The following PRRC2C variants were observed in gnomAD, a reference collection of about 807,000 sequenced individuals.
The protein encoded by PRRC2C is proline rich coiled-coil 2C, also known as protein PRRC2C.
A neutral mutation model predicts 317.2 loss-of-function variants in PRRC2C; 72 were observed. The ratio of observed to expected loss-of-function variants is 0.23; its 90% CI spans 0.19 to 0.28. PRRC2C has a LOEUF of 0.28. Ranked by LOEUF, PRRC2C falls within the 10% of genes least tolerant of loss-of-function variation. The pLI, the probability that PRRC2C is intolerant of heterozygous loss-of-function variation, is 1.00. For synonymous variants in PRRC2C, 1,296 were observed against 1,205.9 expected (o/e 1.07, Z -1.55); for missense variants, 3,074 against 3,459.7 (o/e 0.89, Z 2.80).
chr1:171,563,655 C>A (rs1485483042), intron 20 of PRRC2C, among the ~76,000 whole-genome samples: 1 of 152,138 alleles, frequency 6.6e-6, no homozygotes, highest in African/African-American at 2.4e-5. Context: ...CCTGCTACTT[C>A]TGTCTCCACT....
In PRRC2C at chr1:171,541,476, C is replaced by G; in HGVS notation, c.4010C>G (p.Pro1337Arg). 1 of 1,613,644 alleles carries G rather than the reference C, an allele frequency of 6.2e-7. No homozygotes were observed. Among genetic ancestry groups the G allele is most frequent in the African/African-American group, 1.3e-5 (1 of 75,012 alleles). Residue 1337 changes from proline to arginine, a missense_variant, in exon 16 of 35, where the codon CCT becomes CGT. Pro to Arg is a moderately radical substitution (Grantham distance 103). Around this residue, in one of 11 missense-constraint regions of PRRC2C, gnomAD observed 1,320 missense variants for 1,395.7 expected, o/e 0.95. Transcript: ENST00000647382. This position sits in a 1 kb window ranked among gnomAD's most constrained non-coding sequence, Gnocchi z 4.1. ...GATAAAGCTAAACCAGGCTTTCTTC[C>G]TAAAGGAGAGCCTACAAGGAGAGGC... ...DDDKAKPGFL[P>R]KGEPTRRGRG...
At chr1:171,530,540 C>G (rs1027855393) in intron 11 of PRRC2C, among the ~76,000 whole-genome samples, 1 of 152,006 alleles carries the variant, frequency 6.6e-6, no homozygotes, top group African/African-American at 2.4e-5. Context: ...GCCACCGTGT[C>G]TAGCCTGGGC....
At chr1:171,534,032 C>T (rs1392773998) in intron 12 of PRRC2C, among the ~76,000 whole-genome samples, 2 of 152,192 alleles carry the variant, frequency 1.3e-5, no homozygotes, top group Non-Finnish European at 2.9e-5. Context: ...GTCTCATGCT[C>T]TTTTCTACAA....
At chr1:171,504,166 T>G (rs919512131) in intron 1 of PRRC2C, among the ~76,000 whole-genome samples, 16 of 152,250 alleles carry the variant, frequency 1.1e-4, no homozygotes, top group Admixed American at 6.5e-4. Context: ...GGGTTGGTTG[T>G]TATGAGAGTT....
Position 171,523,466 on chromosome 1 carries a change from A to G in PRRC2C, c.999A>G (p.Gln333=). 1 of 1,612,908 alleles carries G rather than the reference A, an allele frequency of 6.2e-7. No homozygotes were observed. Among genetic ancestry groups the G allele is most frequent in the Non-Finnish European group, 8.5e-7 (1 of 1,179,748 alleles). ...GAQMEVDYTE[Q]LNFSDDDEQG... ...AGATGGAAGTAGATTATACAGAGCA[A>G]CTGAATTTCAGTGATGATGATGAAC... Residue 333 remains glutamine (Q), a synonymous_variant, in exon 9 of 35, where the codon CAA becomes CAG. Transcript: ENST00000647382.
intron 1 of PRRC2C, among the ~76,000 whole-genome samples, chr1:171,499,193 C>T (rs1199517703): frequency 6.6e-6 from 1 of 152,184 alleles, no homozygotes; most frequent in Non-Finnish European, 1.5e-5. Context: ...TTCCAGCCTC[C>T]TCAAATTTCT....
chr1:171,591,572 T>G lies in PRRC2C; in HGVS notation c.8437-15T>G. 6.2e-7 allele frequency: 1 copy of G among 1,606,678 alleles called. No homozygotes were observed. The highest frequency in any genetic ancestry group is 8.5e-7 in the Non-Finnish European group (1 of 1,174,864). On this transcript the variant is annotated splice_polypyrimidine_tract_variant and intron_variant, in intron 34 of 34. Transcript: ENST00000647382. Reference sequence around the variant, plus strand: ...ATGCTGCAGTATTTTCAGTTGTTCTTTCTCATTTTTTAAGGCAAAGCAGAG... The same window carrying G: ...ATGCTGCAGTATTTTCAGTTGTTCTGTCTCATTTTTTAAGGCAAAGCAGAG...
At position 171,536,165 on chromosome 1, in the gene PRRC2C, C is replaced by G. The variant is rs1676793720; in HGVS notation, c.2180C>G (p.Pro727Arg). The change falls in exon 14 of 35, where the codon CCT (proline) becomes CGT (arginine). Residue 727 changes from proline (P) to arginine (R), a missense_variant. By Grantham distance (103) the Pro-to-Arg change is moderately radical (BLOSUM62 -2). This residue lies in a region of PRRC2C where 1,320 missense variants were observed against 1,395.7 expected (regional missense o/e 0.95). Coordinates refer to ENST00000647382, the MANE Select transcript of PRRC2C (RefSeq NM_001387844.1). ...CTTTATCAGCCTATGCAGCCTCATCCTCAGCATTTGGCTTCTATGGGTTTT... is the reference window on the plus strand; with the variant it reads ...CTTTATCAGCCTATGCAGCCTCATCGTCAGCATTTGGCTTCTATGGGTTTT... ...RPLYQPMQPH[P>R]QHLASMGFDP... 6.2e-7 allele frequency: 1 copy of G among 1,611,066 alleles called. No homozygotes were observed. The highest frequency in any genetic ancestry group is 1.7e-4 in the Middle Eastern group (1 of 6,058).
At chr1:171,580,273 C>CA (rs1648225807) in intron 28 of PRRC2C, among the ~76,000 whole-genome samples, 2 of 152,202 alleles carry the variant, frequency 1.3e-5, no homozygotes, top group African/African-American at 4.8e-5. Flanking sequence ...ATCTGGCTAC[C>CA]AAAAACTATA....
intron 31 of PRRC2C, 73 bp downstream of exon 31, chr1:171,587,294 A>G (rs1488742712): frequency 1.1e-5 from 15 of 1,368,438 alleles, no homozygotes; most frequent in Non-Finnish European, 1.4e-5. Context: ...CATCTGTGTT[A>G]TCTAAAAAAC....
chr1:171,547,682 C>T (rs551287670), intron 17 of PRRC2C, among the ~76,000 whole-genome samples: 1 of 120,870 alleles, frequency 8.3e-6, no homozygotes, highest in East Asian at 2.6e-4. Flanking sequence ...CTTGCTCTGT[C>T]CCCCAGGCTG....
intron 30 of PRRC2C, among the ~76,000 whole-genome samples, chr1:171,585,970 A>G (rs1649813963): frequency 6.6e-6 from 1 of 151,704 alleles, no homozygotes; most frequent in South Asian, 2.1e-4. Context: ...TATAACCTGA[A>G]GGTAATTTTA....
At chr1:171,503,224 C>A (rs1373965190) in intron 1 of PRRC2C, among the ~76,000 whole-genome samples, 1 of 152,056 alleles carries the variant, frequency 6.6e-6, no homozygotes, top group Non-Finnish European at 1.5e-5. Context: ...AGTGAATGTT[C>A]ATATAAATGT....
chr1:171,575,225 T>A, intron 25 of PRRC2C, 97 bp downstream of exon 25: 1 of 1,195,810 alleles, frequency 8.4e-7, no homozygotes, highest in Non-Finnish European at 1.2e-6. Flanking sequence ...CCGAAAATAG[T>A]AATATTCAAT....
intron 26 of PRRC2C, among the ~76,000 whole-genome samples, chr1:171,578,732 G>T (rs1647791843): frequency 6.6e-6 from 1 of 152,010 alleles, no homozygotes; most frequent in South Asian, 2.1e-4. Context: ...GTTGGGCGTG[G>T]TGGCGCACAC....
At chr1:171,516,735 A>C (rs566769146) in intron 5 of PRRC2C, among the ~76,000 whole-genome samples, 1 of 152,276 alleles carries the variant, frequency 6.6e-6, no homozygotes, top group African/African-American at 2.4e-5. Flanking sequence ...TCTCTCTCAA[A>C]GCCGCGATGA....
rs571143390 is a variant in PRRC2C, at chr1:171,515,436, GA to G, written c.401-294del. On this transcript the variant is annotated intron_variant, in intron 4 of 34. Coordinates refer to ENST00000647382, the MANE Select transcript of PRRC2C (RefSeq NM_001387844.1). ...TTAGCAGAGGAATTTGATGTGTATTGAAAATGTAAGGAGTCATAATGAAAGA... is the reference window on the plus strand; with the variant it reads ...TTAGCAGAGGAATTTGATGTGTATTGAAATGTAAGGAGTCATAATGAAAGA... Among the ~76,000 whole-genome samples, 423 of 152,302 alleles carry G rather than the reference GA, an allele frequency of 2.8e-3. 1 individual carries two copies. The highest frequency in any genetic ancestry group is 9.9e-3 in the African/African-American group (412 of 41,568).
chr1:171,578,040 C>T (rs1169523475), intron 26 of PRRC2C, among the ~76,000 whole-genome samples: 1 of 150,166 alleles, frequency 6.7e-6, no homozygotes, highest in African/African-American at 2.4e-5. Context: ...AAGTGATCCT[C>T]CTGCCTCAGC....
chr1:171,587,541 G>T, intron 31 of PRRC2C, 107 bp from the exon 32 acceptor site: 1 of 756,616 alleles, frequency 1.3e-6, no homozygotes. Flanking sequence ...TTGTACTAAG[G>T]TTCTTTGCCC....
Sources: gnomAD v4.1 joint callset for allele counts (sites outside exome capture counted in the v4.1 genomes callset) on GRCh38, gnomAD v4.1.1 for gene constraint, gnomAD v4.1.1 regional missense constraint, Gnocchi (gnomAD v3.1) non-coding constraint, MANE v1.5 for transcripts, NCBI Gene and HGNC (gene_info 2026-07-23, HGNC 2026-07-21) for gene names.